The following C8orf34 variants were observed in gnomAD, a reference collection of about 807,000 sequenced individuals.
C8orf34 encodes the protein uncharacterized protein C8orf34.
A neutral mutation model predicts 68.3 loss-of-function variants in C8orf34; 65 were observed. The ratio of observed to expected loss-of-function variants is 0.95; its 90% CI spans 0.78 to 1.17. The LOEUF (loss-of-function observed/expected upper bound fraction) is 1.17, where lower values mean the gene tolerates loss of function less well. Among genes scored for constraint, C8orf34 ranks in the 50% most tolerant of loss-of-function variants. C8orf34 has a pLI of 0.00. For missense variants in C8orf34, 664 were observed against 655.4 expected (o/e 1.01, Z -0.14); for synonymous variants, 244 against 241.2 (o/e 1.01, Z -0.11).
At chr8:68,476,903 G>A (rs914822660) in intron 4 of C8orf34, among the ~76,000 whole-genome samples, 1 of 152,176 alleles carries the variant, frequency 6.6e-6, no homozygotes, top group African/African-American at 2.4e-5. Context: ...AAGAATGTTT[G>A]TAAGGCTGGT....
intron 3 of C8orf34, among the ~76,000 whole-genome samples, chr8:68,463,832 A>G (rs1811972800): frequency 6.6e-6 from 1 of 152,224 alleles, no homozygotes; most frequent in African/African-American, 2.4e-5. Context: ...CACAGCTGAT[A>G]TCATACTGAA....
chr8:68,587,929 TG>T (rs1817257034), intron 7 of C8orf34, among the ~76,000 whole-genome samples: 1 of 152,178 alleles, frequency 6.6e-6, no homozygotes, highest in Non-Finnish European at 1.5e-5. Flanking sequence ...ATAAAGTGTA[TG>T]TACAGATCAA....
rs1181784254 is a variant in C8orf34, at chr8:68,358,580, A to T, written c.327+27241A>T. Among the ~76,000 whole-genome samples, 6 of 151,998 alleles carry T rather than the reference A, an allele frequency of 3.9e-5. No homozygotes were observed. The East Asian group carries it at 1.2e-3, about 29-fold the overall frequency. ...TCCTTAAAAAGAGCCTCCACTAAGA[A>T]CAGGACTTTGCCAGCTTTGTTTCTG... On this transcript the variant is annotated intron_variant, in intron 1 of 13. Transcript: ENST00000518698.
intron 8 of C8orf34, among the ~76,000 whole-genome samples, chr8:68,666,341 G>C (rs950469316): frequency 6.6e-6 from 1 of 152,272 alleles, no homozygotes; most frequent in South Asian, 2.1e-4. Context: ...CCATGTCTTT[G>C]TTATCATTGT....
chr8:68,495,697 C>T (rs1419193994), intron 5 of C8orf34, among the ~76,000 whole-genome samples: 1 of 152,208 alleles, frequency 6.6e-6, no homozygotes, highest in Admixed American at 6.5e-5. Context: ...TTTATAAACT[C>T]CTCTTTGTCA....
chr8:68,744,471 A>G (rs1335073628), intron 10 of C8orf34, among the ~76,000 whole-genome samples: 1 of 152,010 alleles, frequency 6.6e-6, no homozygotes, highest in Non-Finnish European at 1.5e-5. Context: ...AAGGCAAAGA[A>G]GTTGAAAACT....
At chr8:68,414,628 C>G (rs1809586639) in intron 1 of C8orf34, among the ~76,000 whole-genome samples, 1 of 152,078 alleles carries the variant, frequency 6.6e-6, no homozygotes, top group South Asian at 2.1e-4. Flanking sequence ...ACCTCAAGAA[C>G]TCCTCAGAGA....
rs574765769 is a variant in C8orf34 at position 68,504,056 on chromosome 8, A to C, written c.765+16005A>C. 6.5e-4 allele frequency among the ~76,000 whole-genome samples: 99 copies of C among 152,258 alleles called. 1 individual carries two copies. In the South Asian group the frequency reaches 0.019, roughly 30 times the overall value. Reference sequence around the variant, plus strand: ...GAACAATTTCATCATCCCCAAAAGAAACTCTATCCATTGCAGTTACTCTCA... The same window carrying C: ...GAACAATTTCATCATCCCCAAAAGACACTCTATCCATTGCAGTTACTCTCA... On this transcript the variant is annotated intron_variant, in intron 5 of 13. Transcript: ENST00000518698.
At chr8:68,790,779 CTTGTTT>C in intron 12 of C8orf34, 1 of 658,538 alleles carries the variant, frequency 1.5e-6, no homozygotes, top group South Asian at 1.7e-5. Flanking sequence ...TACTGGGGTA[CTTGTTT>C]AACACTCATA....
intron 1 of C8orf34, among the ~76,000 whole-genome samples, chr8:68,362,459 T>C (rs1312759438): frequency 6.6e-6 from 1 of 152,144 alleles, no homozygotes. Flanking sequence ...AGTCTACAGC[T>C]CCCAGCGTGA....
Position 68,623,130 on chromosome 8 carries a change from A to G in C8orf34, c.1106-17246A>G, listed in dbSNP as rs114493170. 5.8e-3 allele frequency among the ~76,000 whole-genome samples: 877 copies of G among 152,336 alleles called. 15 individuals are homozygous for G. The highest frequency in any genetic ancestry group is 0.019 in the African/African-American group (809 of 41,584). On this transcript the variant is annotated intron_variant, in intron 7 of 13. Transcript: ENST00000518698. ...GTGTAACTTGATCAGATTAAACTCT[A>G]TTAACCAAATGTCAGATTGCTTAGC...
chr8:68,810,680 T>C (rs1429969143), intron 12 of C8orf34, among the ~76,000 whole-genome samples: 1 of 152,132 alleles, frequency 6.6e-6, no homozygotes, highest in Non-Finnish European at 1.5e-5. Context: ...AAGTGCTTTA[T>C]GGAGTGCCAG....
intron 7 of C8orf34, among the ~76,000 whole-genome samples, chr8:68,618,904 G>T (rs911463285): frequency 3.3e-5 from 5 of 152,094 alleles, no homozygotes; most frequent in African/African-American, 4.8e-5. Flanking sequence ...TATAGTTAAA[G>T]ATATAATATC....
intron 1 of C8orf34, among the ~76,000 whole-genome samples, chr8:68,419,252 G>C (rs1809830768): frequency 6.7e-6 from 1 of 149,160 alleles, no homozygotes; most frequent in African/African-American, 2.5e-5. Context: ...GGCCATCAGA[G>C]AAATGCAAAT....
chr8:68,538,124 G>A (rs1487834330), intron 7 of C8orf34, among the ~76,000 whole-genome samples: 1 of 152,142 alleles, frequency 6.6e-6, no homozygotes, highest in East Asian at 1.9e-4. Flanking sequence ...GAAAAGAGTT[G>A]TTTAAAACCT....
chr8:68,511,274 C>G lies in C8orf34; in HGVS notation c.766-10525C>G, dbSNP rs1209253693. Among the ~76,000 whole-genome samples the G allele has an allele frequency of 2.0e-5, 3 of 152,250 alleles. No individual in the cohort carries two copies. The East Asian group carries it at 5.8e-4, about 29-fold the overall frequency. On this transcript the variant is annotated intron_variant, in intron 5 of 13. Transcript: ENST00000518698. Reference sequence around the variant, plus strand: ...TGGATGGAGCAATGGTGAGAGCACACCTGAACAAGGGAGGGGAAGGGGTTT... The same window carrying G: ...TGGATGGAGCAATGGTGAGAGCACAGCTGAACAAGGGAGGGGAAGGGGTTT...
intron 1 of C8orf34, among the ~76,000 whole-genome samples, chr8:68,353,936 C>A (rs975315482): frequency 6.6e-6 from 1 of 151,780 alleles, no homozygotes; most frequent in African/African-American, 2.4e-5. Flanking sequence ...GTTTGATATT[C>A]AAGTGAGGTC....
At chr8:68,547,751 T>C (rs560844725) in intron 7 of C8orf34, among the ~76,000 whole-genome samples, 2 of 151,806 alleles carry the variant, frequency 1.3e-5, no homozygotes, top group South Asian at 4.1e-4. Context: ...CAAAATCATC[T>C]GAAGAAAGAA....
chr8:68,739,273 G>A (rs1478561218), intron 10 of C8orf34, among the ~76,000 whole-genome samples: 1 of 151,948 alleles, frequency 6.6e-6, no homozygotes, highest in Non-Finnish European at 1.5e-5. Flanking sequence ...AATAACCTAG[G>A]TTTGGAAGTA....
Sources: gnomAD v4.1 joint callset for allele counts (sites outside exome capture counted in the v4.1 genomes callset) on GRCh38, gnomAD v4.1.1 for gene constraint, MANE v1.5 for transcripts, NCBI Gene and HGNC (gene_info 2026-07-23, HGNC 2026-07-21) for gene names.